Variants in ADK observed in about 807,000 individuals in gnomAD.
The protein encoded by ADK is N6,N6-dimethyladenosine kinase.
A neutral mutation model predicts 44.7 loss-of-function variants in ADK; 24 were observed. The ratio of observed to expected loss-of-function variants is 0.54; its 90% CI spans 0.39 to 0.76. The LOEUF (loss-of-function observed/expected upper bound fraction) is 0.76, where lower values mean the gene tolerates loss of function less well. Ranked by LOEUF, ADK falls within the 30% of genes least tolerant of loss-of-function variation. The pLI is 0.00. For missense variants in ADK, 321 were observed against 425.1 expected, an observed-to-expected ratio of 0.76 and a Z score of 2.15; for synonymous variants, 128 against 142.6, an observed-to-expected ratio of 0.90 and a Z score of 0.73.
intron 7 of ADK, among the ~76,000 whole-genome samples, chr10:74,571,102 G>A (rs980953317): frequency 4.0e-4 from 61 of 152,238 alleles, no homozygotes; most frequent in African/African-American, 1.2e-3. Context: ...ATTGATTTGC[G>A]TATATTGAAC....
intron 2 of ADK, among the ~76,000 whole-genome samples, chr10:74,201,787 T>C (rs1452720463): frequency 2.6e-5 from 4 of 151,988 alleles, no homozygotes; most frequent in African/African-American, 9.7e-5. Flanking sequence ...TTACAATGCA[T>C]CTACCTCGGA....
intron 6 of ADK, among the ~76,000 whole-genome samples, chr10:74,515,480 C>T (rs59164874): frequency 2.0e-5 from 3 of 152,228 alleles, no homozygotes; most frequent in Non-Finnish European, 4.4e-5. Context: ...GGGGACATGC[C>T]TGCCAGGAGC....
intron 2 of ADK, among the ~76,000 whole-genome samples, chr10:74,220,331 A>C (rs1174531040): frequency 6.6e-6 from 1 of 152,326 alleles, no homozygotes; most frequent in Admixed American, 6.5e-5. Flanking sequence ...AAGAAGTTGA[A>C]TCTCTGAACA....
intron 2 of ADK, among the ~76,000 whole-genome samples, chr10:74,219,266 CAAAG>C (rs1286873181): frequency 2.0e-5 from 3 of 151,568 alleles, no homozygotes; most frequent in African/African-American, 4.8e-5. Context: ...TCAAAAGAGA[CAAAG>C]AAGGCCATTA....
intron 9 of ADK, among the ~76,000 whole-genome samples, chr10:74,607,977 A>T (rs1852392562): frequency 6.6e-6 from 1 of 151,532 alleles, no homozygotes; most frequent in African/African-American, 2.4e-5. Context: ...TATTTCATTA[A>T]GTTGATCTTC....
At chr10:74,165,751 C>T (rs1842018564) in intron 1 of ADK, among the ~76,000 whole-genome samples, 1 of 152,042 alleles carries the variant, frequency 6.6e-6, no homozygotes, top group Admixed American at 6.6e-5. Context: ...GATAAGCACC[C>T]TGTTTAAAGA....
chr10:74,512,642 A>G (rs1458216370), intron 6 of ADK, among the ~76,000 whole-genome samples: 2 of 151,180 alleles, frequency 1.3e-5, no homozygotes, highest in Non-Finnish European at 3.0e-5. Context: ...TTTGTTTCCT[A>G]TTTTAATTAT....
chr10:74,245,977 C>T (rs1036600803), intron 3 of ADK, among the ~76,000 whole-genome samples: 3 of 152,020 alleles, frequency 2.0e-5, no homozygotes, highest in African/African-American at 7.3e-5. Context: ...TCTCATATCA[C>T]AGTTATGATG....
chr10:74,453,395 T>A (rs1204507388), intron 6 of ADK, among the ~76,000 whole-genome samples: 1 of 152,114 alleles, frequency 6.6e-6, no homozygotes, highest in Admixed American at 6.6e-5. Flanking sequence ...CTTCCTCTTC[T>A]TTTCAGATAA....
At chr10:74,466,160 G>C (rs532291334) in intron 6 of ADK, among the ~76,000 whole-genome samples, 2 of 152,032 alleles carry the variant, frequency 1.3e-5, no homozygotes, top group Non-Finnish European at 2.9e-5. Context: ...TGGATGTACC[G>C]GAGCATGTGT....
intron 6 of ADK, among the ~76,000 whole-genome samples, chr10:74,430,821 C>G (rs987552586): frequency 6.6e-5 from 10 of 151,808 alleles, no homozygotes; most frequent in Non-Finnish European, 1.2e-4. Context: ...GGAACAAGCA[C>G]AGAGGCCTTG....
rs746025368 is a variant in ADK at position 74,352,599 on chromosome 10, C to T, written c.273+37854C>T. On this transcript the variant is annotated intron_variant, in intron 4 of 10. Transcript: ENST00000539909. ...GGGATCTAATTAAACTAAAGAGCTT[C>T]TACACAGCGAAAGAAACTATCATCA... is the stretch of plus-strand genomic sequence containing the variant. Among the ~76,000 whole-genome samples the T allele has an allele frequency of 5.4e-4, 82 of 152,172 alleles. 1 individual carries two copies. The highest frequency in any genetic ancestry group is 1.2e-4 in the Non-Finnish European group (8 of 68,030).
intron 4 of ADK, among the ~76,000 whole-genome samples, chr10:74,371,208 AGT>A (rs1275342127): frequency 2.0e-5 from 3 of 152,224 alleles, no homozygotes; most frequent in Non-Finnish European, 4.4e-5. Flanking sequence ...AAGATTTAGG[AGT>A]AACTGCTAAT....
Position 74,256,152 on chromosome 10 carries a change from G to A in ADK, c.194+31561G>A, listed in dbSNP as rs372161977. 3.1e-4 allele frequency among the ~76,000 whole-genome samples: 47 copies of A among 152,302 alleles called. 2 individuals are homozygous for A. Among genetic ancestry groups the A allele is most frequent in the African/African-American group, 1.1e-3 (46 of 41,572 alleles). On this transcript the variant is annotated intron_variant, in intron 3 of 10. Transcript: ENST00000539909. ...CATGTGAAAAGGCAGGAAAGCCTGCGTGCAGCATATTTATTAGTTTTGTCT... is the reference window on the plus strand; with the variant it reads ...CATGTGAAAAGGCAGGAAAGCCTGCATGCAGCATATTTATTAGTTTTGTCT...
Position 74,374,735 on chromosome 10 carries a change from GTCTC to G in ADK, c.274-19402_274-19399del, listed in dbSNP as rs879557182. ...CTAAATTCAGAGAAAGCATGCCCATGTCTCTCTGTGTTTTTTGTGTGTATGAGTT... is the reference window on the plus strand; with the variant it reads ...CTAAATTCAGAGAAAGCATGCCCATGTCTGTGTTTTTTGTGTGTATGAGTT... On this transcript the variant is annotated intron_variant, in intron 4 of 10. Transcript: ENST00000539909. Among the ~76,000 whole-genome samples, 49 of 152,178 alleles carry G rather than the reference GTCTC, an allele frequency of 3.2e-4. No individual in the cohort carries two copies. The Middle Eastern group carries it at 0.014, about 42-fold the overall frequency.
In ADK at chr10:74,371,252, TG is replaced by T. The variant is rs375715901; in HGVS notation, c.274-22888del. 3.5e-3 allele frequency among the ~76,000 whole-genome samples: 527 copies of T among 152,238 alleles called. 3 individuals carry two copies. Among genetic ancestry groups the T allele is most frequent in the African/African-American group, 0.011 (471 of 41,544 alleles). On this transcript the variant is annotated intron_variant, in intron 4 of 10. Transcript: ENST00000539909. ...AAGGTTTCTTCTTAGGGTGAGAAAATGTTCTACAATGATTTGTGGTAATGGT... is the reference window on the plus strand; with the variant it reads ...AAGGTTTCTTCTTAGGGTGAGAAAATTTCTACAATGATTTGTGGTAATGGT...
chr10:74,454,975 G>A (rs1025613461), intron 6 of ADK, among the ~76,000 whole-genome samples: 3 of 152,136 alleles, frequency 2.0e-5, no homozygotes, highest in African/African-American at 7.2e-5. Context: ...TGTTTCTAGA[G>A]AAAAGGGCAG....
At chr10:74,558,587 A>G (rs1041806335) in intron 7 of ADK, among the ~76,000 whole-genome samples, 2 of 152,216 alleles carry the variant, frequency 1.3e-5, no homozygotes, top group African/African-American at 4.8e-5. Context: ...AGCCATGATT[A>G]TAAGTTTCCT....
At chr10:74,639,357 G>A (rs981607037) in intron 9 of ADK, among the ~76,000 whole-genome samples, 1 of 152,144 alleles carries the variant, frequency 6.6e-6, no homozygotes, top group Non-Finnish European at 1.5e-5. Flanking sequence ...AAGTCTGGGA[G>A]CATCTACATG....
Sources: allele counts gnomAD v4.1 joint callset (sites outside exome capture counted in the v4.1 genomes callset), GRCh38; gene constraint gnomAD v4.1.1; transcripts MANE v1.5; gene names NCBI Gene and HGNC (gene_info 2026-07-23, HGNC 2026-07-21).